The following RYR2 variants were observed in gnomAD, a reference collection of about 807,000 sequenced individuals.
The protein encoded by RYR2 is ryanodine receptor 2.
Under a neutral mutation model 601.1 loss-of-function variants are expected in RYR2, and 227 were observed. That is an observed-to-expected ratio of 0.38 (90% CI 0.34 to 0.42). The LOEUF (loss-of-function observed/expected upper bound fraction) is 0.42. Ranked by LOEUF, RYR2 falls within the 10% of genes least tolerant of loss-of-function variation. The pLI is 1.00. For synonymous variants in RYR2, 2,223 were observed against 2,175.1 expected, an observed-to-expected ratio of 1.02 and a Z score of -0.61; for missense variants, 4,646 against 6,156.5, an observed-to-expected ratio of 0.75 and a Z score of 8.21.
At chr1:237,369,893 G>T (rs1700503033) in intron 6 of RYR2, among the ~76,000 whole-genome samples, 1 of 152,062 alleles carries the variant, frequency 6.6e-6, no homozygotes. Context: ...TCAAATAAGA[G>T]ATATTTTCTT....
chr1:237,227,113 A>G (rs1405153117), intron 1 of RYR2, among the ~76,000 whole-genome samples: 1 of 152,172 alleles, frequency 6.6e-6, no homozygotes, highest in African/African-American at 2.4e-5. Context: ...ATAGAGATCG[A>G]AAAATGTTGG....
rs79457258 is a variant in RYR2, at chr1:237,550,629, G to A, written c.3152G>A (p.Arg1051His). ...AAGAAATCCAACAAGGACAGCCTCC[G>A]CGAGGCTGTGCGCACGCTGCTGGGG... ...RTKKSNKDSL[R>H]EAVRTLLGYG... The change falls in exon 27 of 105, where the codon CGC (arginine) becomes CAC (histidine). Residue 1051 changes from arginine to histidine, a missense_variant. Arg to His is a conservative substitution (Grantham distance 29). Transcript: ENST00000366574. 354 of 1,587,250 alleles carry A rather than the reference G, an allele frequency of 2.2e-4. No homozygotes were observed. The highest frequency in any genetic ancestry group is 2.9e-4 in the Non-Finnish European group (344 of 1,166,266).
chr1:237,295,633 G>A lies in RYR2; in HGVS notation c.168+25017G>A, dbSNP rs377185989. Among the ~76,000 whole-genome samples the A allele has an allele frequency of 7.4e-4, 113 of 152,146 alleles. 1 individual carries two copies. The highest frequency in any genetic ancestry group is 2.4e-3 in the African/African-American group (100 of 41,514). On this transcript the variant is annotated intron_variant, in intron 2 of 104. Coordinates refer to ENST00000366574, the MANE Select transcript of RYR2 (RefSeq NM_001035.3). ...TATGAAGTTCTGGAGTATTTTAAAC[G>A]TTGTAATAAGATCTTTTAATATTTT...
At chr1:237,511,171 A>C (rs1023193147) in intron 23 of RYR2, among the ~76,000 whole-genome samples, 1 of 152,148 alleles carries the variant, frequency 6.6e-6, no homozygotes, top group Admixed American at 6.5e-5. Flanking sequence ...GGCATGTTTA[A>C]GGTGTTTGGG....
chr1:237,563,343 G>A (rs900088281), intron 27 of RYR2, among the ~76,000 whole-genome samples: 3 of 150,166 alleles, frequency 2.0e-5, no homozygotes, highest in Non-Finnish European at 2.9e-5. Context: ...CCCAGGAGGC[G>A]GAAGTTGCAA....
intron 63 of RYR2, among the ~76,000 whole-genome samples, chr1:237,694,024 G>A (rs1382223616): frequency 1.3e-5 from 2 of 152,160 alleles, no homozygotes; most frequent in Non-Finnish European, 2.9e-5. Context: ...GCCGGGTGCG[G>A]TGGCTCACGC....
At chr1:237,172,075 C>T (rs1486831458) in intron 1 of RYR2, among the ~76,000 whole-genome samples, 2 of 152,172 alleles carry the variant, frequency 1.3e-5, no homozygotes, top group African/African-American at 4.8e-5. Flanking sequence ...TTAATCAGAG[C>T]CCCTGGCTTA....
At position 237,544,571 on chromosome 1, in the gene RYR2, G is replaced by A. The variant is rs536216499; in HGVS notation, c.2907-3860G>A. 1.4e-4 allele frequency among the ~76,000 whole-genome samples: 21 copies of A among 152,114 alleles called. No homozygotes were observed. The East Asian group carries it at 3.5e-3, about 25-fold the overall frequency. On this transcript the variant is annotated intron_variant, in intron 25 of 104. Coordinates refer to ENST00000366574, the MANE Select transcript of RYR2 (RefSeq NM_001035.3). ...TTTACTTGAAAGTGTTCAGTTTCTG[G>A]TTCATGTCAATTACATTTGATTCAA...
At chr1:237,268,047 G>C (rs879535179) in intron 1 of RYR2, among the ~76,000 whole-genome samples, 3 of 152,094 alleles carry the variant, frequency 2.0e-5, no homozygotes, top group African/African-American at 7.2e-5. Flanking sequence ...CTCTTCTTCC[G>C]GGGCTTACTG....
chr1:237,216,516 G>T (rs986821155), intron 1 of RYR2, among the ~76,000 whole-genome samples: 2 of 151,938 alleles, frequency 1.3e-5, no homozygotes, highest in Non-Finnish European at 2.9e-5. Context: ...GGCAGGCGGA[G>T]CACCTGATGT....
Position 237,806,302 on chromosome 1 carries a change from T to A in RYR2, c.14298+19T>A. ...CAAACAGGTAAACAGTTTATCTTTT[T>A]CCTCCCTTGCAGAAAATAAAAAAGC... On this transcript the variant is annotated intron_variant, in intron 99 of 104. Transcript: ENST00000366574. The A allele has an allele frequency of 6.3e-7, 1 of 1,596,980 alleles. No individual in the cohort carries two copies. The highest frequency in any genetic ancestry group is 1.7e-5 in the Admixed American group (1 of 57,574).
At chr1:237,126,739 A>C (rs1172666744) in intron 1 of RYR2, among the ~76,000 whole-genome samples, 1 of 152,118 alleles carries the variant, frequency 6.6e-6, no homozygotes, top group Non-Finnish European at 1.5e-5. Context: ...TACCTGTGTA[A>C]AGACTTATGG....
intron 14 of RYR2, among the ~76,000 whole-genome samples, chr1:237,450,095 T>C (rs1657903817): frequency 6.6e-6 from 1 of 152,166 alleles, no homozygotes; most frequent in Non-Finnish European, 1.5e-5. Flanking sequence ...GTCTGGCTGC[T>C]GGGGACAGGC....
At chr1:237,163,680 CG>C (rs1558347411) in intron 1 of RYR2, among the ~76,000 whole-genome samples, 1 of 151,396 alleles carries the variant, frequency 6.6e-6, no homozygotes, top group Admixed American at 6.6e-5. Context: ...AAAACAGAGA[CG>C]GAAGAGGGAG....
intron 25 of RYR2, among the ~76,000 whole-genome samples, chr1:237,540,343 C>G (rs1012661758): frequency 6.6e-6 from 1 of 152,166 alleles, no homozygotes; most frequent in African/African-American, 2.4e-5. Context: ...TTCATTTAAA[C>G]TTTCATTTAG....
chr1:237,782,492 C>T (rs1695204287), intron 89 of RYR2, among the ~76,000 whole-genome samples: 1 of 152,186 alleles, frequency 6.6e-6, no homozygotes, highest in South Asian at 2.1e-4. Context: ...CGTAACTCCA[C>T]TTCAGTTAAC....
At chr1:237,050,836 CTCT>C (rs1661170094) in intron 1 of RYR2, among the ~76,000 whole-genome samples, 1 of 152,226 alleles carries the variant, frequency 6.6e-6, no homozygotes, top group African/African-American at 2.4e-5. Flanking sequence ...AAGTTGTATT[CTCT>C]TCTTTTCCAC....
intron 62 of RYR2, 102 bp from the exon 63 acceptor site, chr1:237,687,353 C>CTTT (rs1686491801): frequency 3.1e-5 from 18 of 584,952 alleles, no homozygotes; most frequent in South Asian, 1.7e-4. Flanking sequence ...GTTTTTTTTT[C>CTTT]TTTTTTCTTC....
intron 24 of RYR2, among the ~76,000 whole-genome samples, chr1:237,513,103 C>A (rs750448195): frequency 1.5e-4 from 23 of 152,230 alleles, no homozygotes; most frequent in Middle Eastern, 6.8e-3. Flanking sequence ...TTTATATCAC[C>A]CAGTAAAGGC....
Sources: allele counts gnomAD v4.1 joint callset (sites outside exome capture counted in the v4.1 genomes callset), GRCh38; gene constraint gnomAD v4.1.1; transcripts MANE v1.5; gene names NCBI Gene and HGNC (gene_info 2026-07-23, HGNC 2026-07-21).